The following PLB1 variants were observed in gnomAD, a reference collection of about 807,000 sequenced individuals.
PLB1 encodes the protein phospholipase B1.
A neutral mutation model predicts 227.4 loss-of-function variants in PLB1; 242 were observed. That is an observed-to-expected ratio of 1.06 (90% CI 0.96 to 1.18). The LOEUF (loss-of-function observed/expected upper bound fraction) is 1.18. Ranked by LOEUF, PLB1 falls within the 50% of genes most tolerant of loss-of-function variation. The pLI, the probability that PLB1 is intolerant of heterozygous loss-of-function variation, is 0.00. For missense variants in PLB1, 1,858 were observed against 1,816.3 expected, an observed-to-expected ratio of 1.02 and a Z score of -0.42; for synonymous variants, 757 against 682.2, an observed-to-expected ratio of 1.11 and a Z score of -1.71.
intron 1 of PLB1, among the ~76,000 whole-genome samples, chr2:28,516,321 T>C (rs1558650908): frequency 6.6e-6 from 1 of 152,210 alleles, no homozygotes; most frequent in Non-Finnish European, 1.5e-5. Flanking sequence ...ATACAGCCCC[T>C]GTCCAGGTAC....
chr2:28,594,903 T>C (rs2148290074), intron 33 of PLB1: 1 of 152,208 alleles, frequency 6.6e-6, no homozygotes, highest in Non-Finnish European at 1.5e-5. Context: ...AAGCAGAGCT[T>C]ATTACAATCA....
At chr2:28,613,089 T>C (rs1202400333) in intron 43 of PLB1, among the ~76,000 whole-genome samples, 1 of 152,132 alleles carries the variant, frequency 6.6e-6, no homozygotes, top group Non-Finnish European at 1.5e-5. Context: ...TGAGCTAATT[T>C]ATTTTTTTAA....
intron 26 of PLB1, among the ~76,000 whole-genome samples, chr2:28,588,308 T>A (rs922183470): frequency 6.6e-6 from 1 of 152,134 alleles, no homozygotes; most frequent in East Asian, 1.9e-4. Context: ...GCCAACATCC[T>A]CCATTTACTA....
intron 11 of PLB1, among the ~76,000 whole-genome samples, chr2:28,540,147 C>G (rs749985362): frequency 1.3e-5 from 2 of 151,620 alleles, no homozygotes; most frequent in Admixed American, 6.6e-5. Flanking sequence ...TACCCACCCC[C>G]CAGGAACAGC....
intron 4 of PLB1, among the ~76,000 whole-genome samples, chr2:28,520,179 T>A (rs1054660047): frequency 1.3e-5 from 2 of 151,792 alleles, no homozygotes; most frequent in African/African-American, 4.8e-5. Context: ...CTGCCCGCCT[T>A]GGCCCCCCAA....
chr2:28,640,421 A>T (rs1286201334), intron 56 of PLB1, among the ~76,000 whole-genome samples: 1 of 152,154 alleles, frequency 6.6e-6, no homozygotes, highest in Non-Finnish European at 1.5e-5. Flanking sequence ...AGAAACTCCG[A>T]TTTCCTAAGG....
chr2:28,541,941 C>T (rs1672555374), intron 13 of PLB1, 130 bp downstream of exon 13: 1 of 698,538 alleles, frequency 1.4e-6, no homozygotes, highest in Admixed American at 2.4e-5. Flanking sequence ...AAGACCAACC[C>T]AGCCAACATG....
rs1688480881 is a variant in PLB1 at position 28,630,609 on chromosome 2, A to G, written c.3842A>G (p.His1281Arg). 1 of 1,613,714 alleles carries G rather than the reference A, an allele frequency of 6.2e-7. No homozygotes were observed. The change falls in exon 54 of 58, where the codon CAC becomes CGC. Residue 1281 changes from histidine to arginine, a missense_variant. Coordinates refer to ENST00000327757, the MANE Select transcript of PLB1 (RefSeq NM_153021.5). ...AGGAACAACTGCACTTGCCTCAGAC[A>G]CTCGCAAAGCTCCCTGGAGAAGCAA... ...AAQNNCTCLR[H>R]SQSSLEKQEL...
intron 7 of PLB1, 68 bp from the exon 8 acceptor site, chr2:28,529,660 G>A: frequency 6.7e-7 from 1 of 1,493,294 alleles, no homozygotes; most frequent in Non-Finnish European, 9.3e-7. Flanking sequence ...TATGGCAAGG[G>A]GCAAGCTTCC....
At chr2:28,598,322 C>T (rs923889951) in intron 34 of PLB1, among the ~76,000 whole-genome samples, 7 of 152,182 alleles carry the variant, frequency 4.6e-5, no homozygotes, top group African/African-American at 7.2e-5. Context: ...GCAAGTTACC[C>T]GCTATTTTTA....
chr2:28,509,212 C>A (rs552680746), intron 1 of PLB1, among the ~76,000 whole-genome samples: 1 of 152,296 alleles, frequency 6.6e-6, no homozygotes, highest in East Asian at 1.9e-4. Flanking sequence ...CAAGGAAATC[C>A]ATAAATTAAG....
intron 22 of PLB1, 85 bp from the exon 23 acceptor site, chr2:28,579,542 T>C (rs1344247855): frequency 1.6e-5 from 17 of 1,074,722 alleles, no homozygotes; most frequent in Non-Finnish European, 2.1e-5. Context: ...TGAGGACCCA[T>C]CTTTTCTAGT....
At chr2:28,517,090 G>A (rs528239849) in intron 2 of PLB1, among the ~76,000 whole-genome samples, 4 of 152,158 alleles carry the variant, frequency 2.6e-5, no homozygotes, top group Non-Finnish European at 5.9e-5. Flanking sequence ...CTGAATGGGC[G>A]GTTCCCAGAA....
intron 20 of PLB1, among the ~76,000 whole-genome samples, chr2:28,570,650 G>A (rs1263826979): frequency 2.0e-5 from 3 of 152,218 alleles, no homozygotes; most frequent in African/African-American, 7.2e-5. Context: ...GTTGGGTGTG[G>A]TGGCGGGTGC....
intron 56 of PLB1, among the ~76,000 whole-genome samples, chr2:28,634,291 A>ATAAT (rs1689045126): frequency 6.6e-6 from 1 of 152,208 alleles, no homozygotes; most frequent in Non-Finnish European, 1.5e-5. Flanking sequence ...TTTATATGGT[A>ATAAT]TAATTCCTGT....
chr2:28,516,826 C>T lies in PLB1; in HGVS notation c.74C>T (p.Thr25Ile). ...CTTTCAGGGACCCCTCAGATCCATA[C>T]CTCTCCTAGAAAGAGTACATTGGAA... is the stretch of plus-strand genomic sequence containing the variant. ...LLGQGTPQIH[T>I]SPRKSTLEGQ... The change falls in exon 2 of 58, where the codon ACC becomes ATC. Residue 25 changes from threonine (T) to isoleucine (I), a missense_variant. By Grantham distance (89) the Thr-to-Ile change is moderately conservative. Transcript: ENST00000327757. The T allele has an allele frequency of 6.2e-7, 1 of 1,613,844 alleles. No homozygotes were observed. The highest frequency in any genetic ancestry group is 8.5e-7 in the Non-Finnish European group (1 of 1,179,754).
intron 27 of PLB1, 41 bp from the exon 28 acceptor site, chr2:28,589,634 G>A (rs776247189): frequency 6.2e-6 from 10 of 1,606,974 alleles, no homozygotes; most frequent in Non-Finnish European, 8.5e-6. Flanking sequence ...ATATGATCCA[G>A]TGTGTCTATA....
At chr2:28,512,353 T>C (rs1668380550) in intron 1 of PLB1, among the ~76,000 whole-genome samples, 1 of 152,204 alleles carries the variant, frequency 6.6e-6, no homozygotes, top group Non-Finnish European at 1.5e-5. Flanking sequence ...TTTGTTGTCA[T>C]TGTCTTCATG....
intron 56 of PLB1, among the ~76,000 whole-genome samples, chr2:28,636,809 G>T (rs1432038595): frequency 6.6e-6 from 1 of 152,144 alleles, no homozygotes; most frequent in African/African-American, 2.4e-5. Flanking sequence ...GGCATATGGG[G>T]TTAGACGTCA....
Sources: gnomAD v4.1 joint callset for allele counts (sites outside exome capture counted in the v4.1 genomes callset) on GRCh38, gnomAD v4.1.1 for gene constraint, MANE v1.5 for transcripts, NCBI Gene and HGNC (gene_info 2026-07-23, HGNC 2026-07-21) for gene names.